Variants in IFT140 observed in about 807,000 individuals in gnomAD.
The protein encoded by IFT140 is intraflagellar transport 140.
IFT140 carries 133 observed loss-of-function variants against 164.6 expected under a neutral mutation model. That is an observed-to-expected ratio of 0.81 (90% CI 0.70 to 0.93). The LOEUF is 0.93. IFT140 is among the 40% of genes least tolerant of loss of function. IFT140 has a pLI of 0.00. For missense variants in IFT140, 2,045 were observed against 1,972.3 expected, an observed-to-expected ratio of 1.04 and a Z score of -0.70; for synonymous variants, 860 against 817.3, an observed-to-expected ratio of 1.05 and a Z score of -0.89.
At chr16:1,528,063 C>T (rs1267283585) in intron 19 of IFT140, among the ~76,000 whole-genome samples, 10 of 152,320 alleles carry the variant, frequency 6.6e-5, no homozygotes, top group African/African-American at 1.9e-4. Flanking sequence ...GCCAGGCCTC[C>T]TGGTGGGGCT....
At chr16:1,609,313 C>A (rs966951380) in intron 2 of IFT140, among the ~76,000 whole-genome samples, 1 of 152,160 alleles carries the variant, frequency 6.6e-6, no homozygotes, top group African/African-American at 2.4e-5. Flanking sequence ...AGGCAAACGG[C>A]CCTAATTGCT....
At chr16:1,527,091 C>T (rs753561801) in intron 19 of IFT140, 139 of 432,090 alleles carry the variant, frequency 3.2e-4, no homozygotes, top group Admixed American at 9.6e-4. Context: ...CTGCTCTAAG[C>T]GGCTGTCTGA....
Position 1,542,219 on chromosome 16 carries a change from C to G in IFT140, c.2400-15423G>C, listed in dbSNP as rs956217544. On this transcript the variant is annotated intron_variant, in intron 19 of 30. Coordinates refer to ENST00000426508, the MANE Select transcript of IFT140 (RefSeq NM_014714.4). ...CATGGCCACAGGCCACTGAGAAGCC[C>G]CATGGGGCATCCTCCCTCCCTCTTG... 2.2e-5 allele frequency: 20 copies of G among 891,678 alleles called. No individual in the cohort carries two copies. In the African/African-American group the frequency reaches 3.1e-4, roughly 14 times the overall value. 55.2% of individuals were successfully genotyped at this position (891,678 alleles called of 1,614,324 possible).
chr16:1,524,895 C>G lies in IFT140; in HGVS notation c.2886G>C (p.Ala962=), dbSNP rs201150342. 3.1e-6 allele frequency: 5 copies of G among 1,608,250 alleles called. No homozygotes were observed. Among genetic ancestry groups the G allele is most frequent in the Non-Finnish European group, 4.2e-6 (5 of 1,177,634 alleles). ...TCTCGCCCTGGCTCTCCAGGTACTG[C>G]GCCCACCACCGCCACAGGGTCCTGC... is the stretch of plus-strand genomic sequence containing the variant. ...MKDKTLWRWW[A]QYLESQGEMD... Residue 962 remains alanine, a synonymous_variant, in exon 23 of 31, where the codon GCG becomes GCC. Coordinates refer to ENST00000426508, the MANE Select transcript of IFT140 (RefSeq NM_014714.4).
intron 19 of IFT140, among the ~76,000 whole-genome samples, chr16:1,544,500 T>C (rs963805011): frequency 6.6e-6 from 1 of 151,490 alleles, no homozygotes; most frequent in African/African-American, 2.4e-5. Context: ...CCACTAATTT[T>C]TGTGTTTTTA....
intron 19 of IFT140, among the ~76,000 whole-genome samples, chr16:1,549,723 C>T (rs939577388): frequency 2.6e-5 from 4 of 152,190 alleles, no homozygotes; most frequent in Non-Finnish European, 4.4e-5. Flanking sequence ...TGAGCCACCA[C>T]GCCTGGCCAC....
At chr16:1,574,630 C>A (rs2034185722) in intron 13 of IFT140, among the ~76,000 whole-genome samples, 1 of 152,184 alleles carries the variant, frequency 6.6e-6, no homozygotes, top group Non-Finnish European at 1.5e-5. Flanking sequence ...TTTTGGTCAA[C>A]AAAATGTACC....
chr16:1,525,901 G>A lies in IFT140; in HGVS notation c.2754C>T (p.Ser918=). The A allele has an allele frequency of 1.3e-6, 2 of 1,548,932 alleles. No homozygotes were observed. Among genetic ancestry groups the A allele is most frequent in the Non-Finnish European group, 1.7e-6 (2 of 1,148,356 alleles). The part of the protein sequence containing the change: ...AGHLEASADC[S]RALSYYEKSD... The stretch of plus-strand genomic sequence containing the variant: ...GCCGCACTCACTAACTGAGGGCCCG[G>A]CTGCAGTCGGCGCTGGCCTCCAGGT... The change falls in exon 21 of 31, where the codon AGC becomes AGT. Residue 918 remains serine (S), a synonymous_variant. Transcript: ENST00000426508.
intron 14 of IFT140, among the ~76,000 whole-genome samples, chr16:1,570,906 C>G (rs1241222557): frequency 6.6e-6 from 1 of 152,144 alleles, no homozygotes; most frequent in Non-Finnish European, 1.5e-5. Context: ...CAGGTACGTG[C>G]CACCATGCCC....
At chr16:1,530,133 CTTTTTT>C (rs922819138) in intron 19 of IFT140, among the ~76,000 whole-genome samples, 2 of 88,584 alleles carry the variant, frequency 2.3e-5, no homozygotes, top group East Asian at 3.5e-4. Flanking sequence ...CGACGGGAAT[CTTTTTT>C]TTTTTTTTTT....
At chr16:1,554,898 A>G in intron 19 of IFT140, 2 of 1,614,252 alleles carry the variant, frequency 1.2e-6, no homozygotes, top group Non-Finnish European at 1.7e-6. Context: ...GGCGGCAGCC[A>G]TGCTCATCTG....
At chr16:1,538,975 C>T (rs2031347422) in intron 19 of IFT140, among the ~76,000 whole-genome samples, 1 of 152,178 alleles carries the variant, frequency 6.6e-6, no homozygotes, top group South Asian at 2.1e-4. Flanking sequence ...CGCCCCCTAC[C>T]TCAGGCCTCA....
At chr16:1,574,941 CTGAGG>C (rs1319094548) in intron 13 of IFT140, among the ~76,000 whole-genome samples, 2 of 152,220 alleles carry the variant, frequency 1.3e-5, no homozygotes, top group African/African-American at 4.8e-5. Context: ...CATCTGCATC[CTGAGG>C]AGGGATAGTG....
intron 19 of IFT140, among the ~76,000 whole-genome samples, chr16:1,536,516 G>A (rs1052837154): frequency 8.5e-5 from 13 of 152,344 alleles, no homozygotes; most frequent in East Asian, 1.9e-4. Flanking sequence ...CCTGAGCAGC[G>A]AAGGTTTGTC....
In IFT140 at chr16:1,525,871, C is replaced by G; in HGVS notation, c.2768+16G>C. On this transcript the variant is annotated intron_variant, in intron 21 of 30. Coordinates refer to ENST00000426508, the MANE Select transcript of IFT140 (RefSeq NM_014714.4). Reference sequence around the variant, plus strand: ...ATCCAGAGAGGCAGGGAAGAGGCCGCGAGGGCCGCACTCACTAACTGAGGG... The same window carrying G: ...ATCCAGAGAGGCAGGGAAGAGGCCGGGAGGGCCGCACTCACTAACTGAGGG... 1.3e-6 allele frequency: 2 copies of G among 1,511,108 alleles called. No individual in the cohort carries two copies. Among genetic ancestry groups the G allele is most frequent in the Non-Finnish European group, 1.8e-6 (2 of 1,128,254 alleles). 93.6% of individuals were successfully genotyped at this position (1,511,108 alleles called of 1,614,324 possible).
At chr16:1,530,379 C>T (rs2030337733) in intron 19 of IFT140, among the ~76,000 whole-genome samples, 1 of 152,118 alleles carries the variant, frequency 6.6e-6, no homozygotes, top group Middle Eastern at 3.4e-3. Flanking sequence ...GATCTGCTCG[C>T]CTCGGTCTCC....
At chr16:1,579,836 C>T (rs1335451356) in intron 13 of IFT140, among the ~76,000 whole-genome samples, 1 of 151,980 alleles carries the variant, frequency 6.6e-6, no homozygotes, top group Non-Finnish European at 1.5e-5. Context: ...TGGTGGCGCA[C>T]ACCTGTAGTC....
At chr16:1,593,815 C>T (rs569535459) in intron 4 of IFT140, among the ~76,000 whole-genome samples, 7 of 152,126 alleles carry the variant, frequency 4.6e-5, no homozygotes, top group Non-Finnish European at 1.0e-4. Context: ...TGGGGTCTCT[C>T]CACTGTGAAG....
intron 19 of IFT140, chr16:1,555,501 G>C (rs1016998503): frequency 6.1e-6 from 1 of 164,520 alleles, no homozygotes; most frequent in African/African-American, 2.4e-5. Flanking sequence ...GATGGTTTCA[G>C]ACAGAATCGT....
Sources: allele counts gnomAD v4.1 joint callset (sites outside exome capture counted in the v4.1 genomes callset), GRCh38; gene constraint gnomAD v4.1.1; transcripts MANE v1.5; gene names NCBI Gene and HGNC (gene_info 2026-07-23, HGNC 2026-07-21).